CCNL2: variants seen among roughly 807,000 people sequenced by gnomAD.
CCNL2 encodes cyclin-L2.
Under a neutral mutation model 59.1 loss-of-function variants are expected in CCNL2, and 28 were observed. The observed-to-expected ratio is 0.47, with a 90% CI of 0.35 to 0.65. CCNL2 has a LOEUF of 0.65. Ranked by LOEUF, CCNL2 falls within the 30% of genes least tolerant of loss-of-function variation. The pLI is 0.00. For synonymous variants in CCNL2, 342 were observed against 288.6 expected, an observed-to-expected ratio of 1.19 and a Z score of -1.88; for missense variants, 714 against 717.4, an observed-to-expected ratio of 1.00 and a Z score of 0.05.
chr1:1,392,739 G>A (rs1569947499), intron 5 of CCNL2: 1 of 1,605,174 alleles, frequency 6.2e-7, no homozygotes, highest in Non-Finnish European at 8.5e-7. Context: ...AGATGCCGCT[G>A]TCCCTGCACC....
intron 5 of CCNL2, chr1:1,391,815 G>A (rs2100301196): frequency 6.5e-6 from 2 of 306,328 alleles, no homozygotes; most frequent in South Asian, 2.7e-5. Flanking sequence ...CCTTACACTA[G>A]CTTTATGAAT....
rs144406967 is a variant in CCNL2, at chr1:1,387,373, C to T, written c.1421G>A (p.Arg474Gln). ...TTTTCCCGGATTATCCGCCCGCTCC[C>T]GTGACCTGCTTCGAGAACGGGAAGA... is the stretch of plus-strand genomic sequence containing the variant. ...RSSSRSRSRS[R>Q]ERADNPGKYK... The change falls in exon 11 of 11, where the codon CGG becomes CAG. Residue 474 changes from arginine (R) to glutamine (Q), a missense_variant. Physicochemically the swap from Arg to Gln is conservative, Grantham distance 43. This residue lies in a region of CCNL2 where 403 missense variants were observed against 377.7 expected (regional missense o/e 1.07). Coordinates refer to ENST00000400809, the MANE Select transcript of CCNL2 (RefSeq NM_030937.6). The T allele has an allele frequency of 7.5e-5, 121 of 1,614,204 alleles. No homozygotes were observed. The African/African-American group carries it at 1.3e-3, about 17-fold the overall frequency.
Position 1,395,453 on chromosome 1 carries a change from C to T in CCNL2, c.535G>A (p.Ala179Thr). 6.2e-7 allele frequency: 1 copy of T among 1,614,132 alleles called. No individual in the cohort carries two copies. Among genetic ancestry groups the T allele is most frequent in the Non-Finnish European group, 8.5e-7 (1 of 1,180,028 alleles). ...AACTCTTTGAGAACTCGTCTTTCCG[C>T]CTTTATAATTTGGTTCTTTAAATTA... Reference protein sequence around the residue: ...YVNLKNQIIKAERRVLKELGF... With the variant: ...YVNLKNQIIKTERRVLKELGF... The change falls in exon 4 of 11, where the codon GCG becomes ACG. Residue 179 changes from alanine (A) to threonine (T), a missense_variant. Physicochemically the swap from Ala to Thr is moderately conservative, Grantham distance 58. Around this residue, in one of 5 missense-constraint regions of CCNL2, gnomAD observed 270 missense variants for 254.9 expected, o/e 1.06. Coordinates refer to ENST00000400809, the MANE Select transcript of CCNL2 (RefSeq NM_030937.6).
chr1:1,393,328 A>G (rs1388145933), intron 5 of CCNL2, 68 bp downstream of exon 5: 3 of 1,352,672 alleles, frequency 2.2e-6, no homozygotes, highest in Middle Eastern at 1.8e-4. Context: ...CCACTGCCCA[A>G]GTGCCTCAAG....
At chr1:1,395,594 T>C (rs1644974989) in intron 3 of CCNL2, 80 bp from the exon 4 acceptor site, 1 of 1,582,024 alleles carries the variant, frequency 6.3e-7, no homozygotes, top group Non-Finnish European at 8.6e-7. Flanking sequence ...CCTCCAACTA[T>C]GAGCACCTAA....
Position 1,390,447 on chromosome 1 carries a change from A to T in CCNL2, c.864+12T>A, listed in dbSNP as rs943629153. ...ACAAACGCATACGTTACATGAAAAA[A>T]TGCCGAAGAACCTTTTTCCGAGCAT... On this transcript the variant is annotated intron_variant, in intron 7 of 10. Transcript: ENST00000400809. The T allele has an allele frequency of 1.4e-5, 22 of 1,612,552 alleles. No individual in the cohort carries two copies. The highest frequency in any genetic ancestry group is 1.9e-5 in the Non-Finnish European group (22 of 1,179,452).
chr1:1,398,759 C>T, intron 1 of CCNL2, 88 bp from the exon 2 acceptor site: 2 of 1,323,106 alleles, frequency 1.5e-6, no homozygotes, highest in Admixed American at 3.5e-5. Context: ...GGACTCCCCA[C>T]GCAGAACCAA....
chr1:1,386,961 C>T lies in CCNL2; in HGVS notation c.*270G>A, dbSNP rs1644483275. On this transcript the variant is annotated 3_prime_UTR_variant, in exon 11 of 11. Coordinates refer to ENST00000400809, the MANE Select transcript of CCNL2 (RefSeq NM_030937.6). ...TGCATTCACTTTTTCATTGAGCTGC[C>T]CTCAGAGCTGCTGCCGAGCTGAGCC... The T allele has an allele frequency of 7.4e-6, 3 of 408,014 alleles. No individual in the cohort carries two copies. Among genetic ancestry groups the T allele is most frequent in the Admixed American group, 8.0e-5 (2 of 25,060 alleles). 25.3% of individuals were successfully genotyped at this position (408,014 alleles called of 1,614,324 possible).
chr1:1,395,875 C>T (rs1644992284), intron 3 of CCNL2, among the ~76,000 whole-genome samples: 1 of 152,128 alleles, frequency 6.6e-6, no homozygotes, highest in Admixed American at 6.5e-5. Context: ...CCAATGAAAG[C>T]ACAATTATTT....
intron 5 of CCNL2, chr1:1,391,428 G>A (rs1273248756): frequency 5.0e-6 from 6 of 1,211,704 alleles, no homozygotes; most frequent in Non-Finnish European, 1.1e-6. Context: ...CAGCTTCCTT[G>A]AAGGAGTCCA....
At position 1,395,400 on chromosome 1, in the gene CCNL2, A is replaced by C; in HGVS notation, c.588T>G (p.Pro196=). 6.2e-7 allele frequency: 1 copy of C among 1,614,178 alleles called. No individual in the cohort carries two copies. The highest frequency in any genetic ancestry group is 8.5e-7 in the Non-Finnish European group (1 of 1,180,006). ...GCAGGAGCCGCACACCCACCTTATG[A>C]GGATGCTTCACATGGACGCAGAAAC... ...ELGFCVHVKH[P]HKIIVMYLQV... The change falls in exon 4 of 11, where the codon CCT becomes CCG. Residue 196 remains proline, a synonymous_variant. Coordinates refer to ENST00000400809, the MANE Select transcript of CCNL2 (RefSeq NM_030937.6).
intron 8 of CCNL2, among the ~76,000 whole-genome samples, chr1:1,389,853 G>A (rs1367048046): frequency 1.3e-5 from 2 of 152,130 alleles, no homozygotes; most frequent in Non-Finnish European, 2.9e-5. Context: ...CAGCTACTCA[G>A]GAGGCTGAGG....
At chr1:1,395,651 T>C in intron 3 of CCNL2, 137 bp from the exon 4 acceptor site, 1 of 1,230,644 alleles carries the variant, frequency 8.1e-7, no homozygotes, top group East Asian at 2.4e-5. Flanking sequence ...CATCCTCTGA[T>C]GAACAAAACT....
At chr1:1,388,260 C>A (rs1002847875) in intron 8 of CCNL2, 195 bp from the exon 9 acceptor site, 15 of 580,840 alleles carry the variant, frequency 2.6e-5, no homozygotes, top group East Asian at 1.2e-4. Context: ...CGGGGGCTCA[C>A]GCCTGTGAGC....
intron 5 of CCNL2, chr1:1,392,513 G>T (rs1411472105): frequency 7.6e-7 from 1 of 1,312,668 alleles, no homozygotes; most frequent in Non-Finnish European, 9.7e-7. Context: ...GAAAGGTACT[G>T]CATCTTTATC....
Position 1,390,235 on chromosome 1 carries a change from T to C in CCNL2, c.1001A>G (p.Lys334Arg). 1.9e-6 allele frequency: 3 copies of C among 1,607,038 alleles called. No homozygotes were observed. The highest frequency in any genetic ancestry group is 1.7e-6 in the Non-Finnish European group (2 of 1,174,606). The change falls in exon 8 of 11, where the codon AAG becomes AGG. Residue 334 changes from lysine to arginine, a missense_variant. This residue lies in a region of CCNL2 where 403 missense variants were observed against 377.7 expected (regional missense o/e 1.07). Coordinates refer to ENST00000400809, the MANE Select transcript of CCNL2 (RefSeq NM_030937.6). Reference sequence around the variant, plus strand: ...CTGCACTCTAACAGACTCACCCAGCTTGGGGGCAGGAGAGAACCCCGAGGT... The same window carrying C: ...CTGCACTCTAACAGACTCACCCAGCCTGGGGGCAGGAGAGAACCCCGAGGT... ...DGTSGFSPAP[K>R]LVESPKEGKG...
At chr1:1,396,038 G>A (rs554199098) in intron 3 of CCNL2, among the ~76,000 whole-genome samples, 2 of 151,844 alleles carry the variant, frequency 1.3e-5, no homozygotes, top group East Asian at 2.0e-4. Context: ...AATTAGCCGG[G>A]CGTGGTGGCG....
chr1:1,393,445 G>A lies in CCNL2; in HGVS notation c.610C>T (p.Leu204Phe). 1 of 1,614,038 alleles carries A rather than the reference G, an allele frequency of 6.2e-7. No homozygotes were observed. The highest frequency in any genetic ancestry group is 8.5e-7 in the Non-Finnish European group (1 of 1,179,910). Reference sequence around the variant, plus strand: ...TTACGCTCACACTCTAACACCTGAAGGTACATAACGATTATCTGGAAGATA... The same window carrying A: ...TTACGCTCACACTCTAACACCTGAAAGTACATAACGATTATCTGGAAGATA... The part of the protein sequence containing the change: ...KHPHKIIVMY[L>F]QVLECERNQH... Residue 204 changes from leucine (L) to phenylalanine (F), a missense_variant, in exon 5 of 11, where the codon CTT (leucine) becomes TTT (phenylalanine). Around this residue, in one of 5 missense-constraint regions of CCNL2, gnomAD observed 19 missense variants for 20.1 expected, o/e 0.94. Coordinates refer to ENST00000400809, the MANE Select transcript of CCNL2 (RefSeq NM_030937.6).
chr1:1,392,438 C>T lies in CCNL2; in HGVS notation c.659+958G>A, dbSNP rs998471902. ...GGCTTCTAGAAATCATGACATAACC[C>T]CACACTGACACAGCCAATTTGTCTC... On this transcript the variant is annotated intron_variant, in intron 5 of 10. Coordinates refer to ENST00000400809, the MANE Select transcript of CCNL2 (RefSeq NM_030937.6). 28 of 1,181,224 alleles carry T rather than the reference C, an allele frequency of 2.4e-5. No homozygotes were observed. The African/African-American group carries it at 4.3e-4, about 18-fold the overall frequency. The allele number at this position is 1,181,224 out of a possible 1,614,324, so 73.2% of individuals were successfully genotyped here.
Sources: gnomAD v4.1 joint callset for allele counts (sites outside exome capture counted in the v4.1 genomes callset) on GRCh38, gnomAD v4.1.1 for gene constraint, gnomAD v4.1.1 regional missense constraint, MANE v1.5 for transcripts, NCBI Gene and HGNC (gene_info 2026-07-23, HGNC 2026-07-21) for gene names.